The following RAB11FIP3 variants were observed in gnomAD, a reference collection of about 807,000 sequenced individuals.
The protein encoded by RAB11FIP3 is RAB11 family interacting protein 3.
Under a neutral mutation model 77.8 loss-of-function variants are expected in RAB11FIP3, and 17 were observed. That is an observed-to-expected ratio of 0.22 (90% CI 0.15 to 0.33). RAB11FIP3 has a LOEUF of 0.33. RAB11FIP3 is among the 10% of genes least tolerant of loss of function. RAB11FIP3 has a pLI of 1.00. For missense variants in RAB11FIP3, 1,005 were observed against 1,011.2 expected (o/e 0.99, Z 0.08); for synonymous variants, 437 against 448.2 (o/e 0.98, Z 0.31).
intron 2 of RAB11FIP3, among the ~76,000 whole-genome samples, chr16:462,890 C>T (rs1207432092): frequency 6.6e-6 from 1 of 151,992 alleles, no homozygotes; most frequent in East Asian, 1.9e-4. Context: ...TCTTCCCCAG[C>T]ACAATGTCTT....
At chr16:515,524 C>T (rs1349779649) in intron 9 of RAB11FIP3, among the ~76,000 whole-genome samples, 7 of 148,756 alleles carry the variant, frequency 4.7e-5, no homozygotes, top group African/African-American at 1.5e-4. Context: ...GCCACACGGG[C>T]GACACGCACC....
Position 520,558 on chromosome 16 carries a change from G to C in RAB11FIP3, c.2116G>C (p.Glu706Gln), listed in dbSNP as rs775060385. 1 of 1,613,626 alleles carries C rather than the reference G, an allele frequency of 6.2e-7. No homozygotes were observed. Among genetic ancestry groups the C allele is most frequent in the Non-Finnish European group, 8.5e-7 (1 of 1,180,024 alleles). Residue 706 changes from glutamate (E) to glutamine (Q), a missense_variant, in exon 13 of 14, where the codon GAG becomes CAG. Coordinates refer to ENST00000262305, the MANE Select transcript of RAB11FIP3 (RefSeq NM_014700.4). Reference sequence around the variant, plus strand: ...GAGCCTCTTCTCCACAGCCTTCTCTGAGTCCCTGGCTGCAGAGATCAGCTC... The same window carrying C: ...GAGCCTCTTCTCCACAGCCTTCTCTCAGTCCCTGGCTGCAGAGATCAGCTC... ...AKSLFSTAFSESLAAEISSVS... is the reference protein window; with the variant it reads ...AKSLFSTAFSQSLAAEISSVS...
At chr16:501,730 C>T (rs1343512201) in intron 6 of RAB11FIP3, among the ~76,000 whole-genome samples, 7 of 116,060 alleles carry the variant, frequency 6.0e-5, no homozygotes, top group Non-Finnish European at 6.9e-5. Flanking sequence ...CAGACAAGTT[C>T]GGAGAAGGTC....
chr16:475,040 C>T (rs1429010426), intron 3 of RAB11FIP3: 1 of 1,551,712 alleles, frequency 6.4e-7, no homozygotes, highest in Non-Finnish European at 8.7e-7. Context: ...CATGCCCTTC[C>T]TGAAGGTGTG....
intron 4 of RAB11FIP3, 51 bp from the exon 5 acceptor site, chr16:488,798 CGG>C: frequency 6.3e-7 from 1 of 1,581,928 alleles, no homozygotes; most frequent in Non-Finnish European, 8.6e-7. Context: ...ACCCTCAGCT[CGG>C]GGGTGCCCTG....
At chr16:442,529 C>T (rs12719806) in intron 1 of RAB11FIP3, among the ~76,000 whole-genome samples, 63,673 of 152,058 alleles carry the variant, frequency 0.42, 14,976 homozygotes, top group Middle Eastern at 0.54. Context: ...GCCGGGCTGC[C>T]GCTTCTGGTG....
At position 507,432 on chromosome 16, in the gene RAB11FIP3, A is replaced by G. The variant is rs1034559772; in HGVS notation, c.1499+1805A>G. Among the ~76,000 whole-genome samples the G allele has an allele frequency of 6.6e-6, 1 of 152,056 alleles. No homozygotes were observed. The highest frequency in any genetic ancestry group is 1.5e-5 in the Non-Finnish European group (1 of 68,014). ...GGCCTAGTTTTTAATTTTTTTATAGAGATGAGGTCTTGCCATGTTGCCCAT... is the reference window on the plus strand; with the variant it reads ...GGCCTAGTTTTTAATTTTTTTATAGGGATGAGGTCTTGCCATGTTGCCCAT... On this transcript the variant is annotated intron_variant, in intron 8 of 13. Coordinates refer to ENST00000262305, the MANE Select transcript of RAB11FIP3 (RefSeq NM_014700.4). This position sits in a 1 kb window ranked among gnomAD's most constrained non-coding sequence, Gnocchi z 4.6.
chr16:485,894 A>C (rs1333925400), intron 4 of RAB11FIP3, among the ~76,000 whole-genome samples: 2 of 151,822 alleles, frequency 1.3e-5, no homozygotes, highest in Admixed American at 1.3e-4. Context: ...TCGCTACATA[A>C]TTTTTTTATT....
rs1292766027 is a variant in RAB11FIP3, at chr16:472,654, C to T, written c.903+1265C>T. Among the ~76,000 whole-genome samples the T allele has an allele frequency of 6.6e-6, 1 of 152,226 alleles. No individual in the cohort carries two copies. The highest frequency in any genetic ancestry group is 2.4e-5 in the African/African-American group (1 of 41,452). ...TCCTGGGCGTTCATGTGCCTGTGCA[C>T]TCTTTCTCACGTGTATCCGTCTTTT... is the stretch of plus-strand genomic sequence containing the variant. On this transcript the variant is annotated intron_variant, in intron 3 of 13. Transcript: ENST00000262305. This position sits in a 1 kb window ranked among gnomAD's most constrained non-coding sequence, Gnocchi z 4.1.
intron 2 of RAB11FIP3, among the ~76,000 whole-genome samples, chr16:469,021 C>T (rs948191813): frequency 3.3e-5 from 5 of 152,080 alleles, no homozygotes; most frequent in African/African-American, 1.2e-4. Context: ...TAAGCGCAGG[C>T]AAGACTGTTA....
chr16:506,147 G>A lies in RAB11FIP3; in HGVS notation c.1499+520G>A, dbSNP rs2031864475. Among the ~76,000 whole-genome samples the A allele has an allele frequency of 1.3e-5, 2 of 152,214 alleles. No homozygotes were observed. The highest frequency in any genetic ancestry group is 4.1e-4 in the South Asian group (2 of 4,832). On this transcript the variant is annotated intron_variant, in intron 8 of 13. Coordinates refer to ENST00000262305, the MANE Select transcript of RAB11FIP3 (RefSeq NM_014700.4). The surrounding 1 kb of genome is among the most constrained non-coding windows in gnomAD (Gnocchi z 4.5). ...TGGGGAGGAAGCGAAGTGTGACGCCGTGTTTGCAGAGAAAGAGTGGGAGCT... is the reference window on the plus strand; with the variant it reads ...TGGGGAGGAAGCGAAGTGTGACGCCATGTTTGCAGAGAAAGAGTGGGAGCT...
intron 3 of RAB11FIP3, among the ~76,000 whole-genome samples, chr16:479,535 A>C (rs1468152963): frequency 1.3e-5 from 2 of 151,856 alleles, no homozygotes; most frequent in African/African-American, 4.8e-5. Flanking sequence ...CAAAATAAAT[A>C]AATCAACAAA....
At chr16:480,831 A>G (rs1293760549) in intron 3 of RAB11FIP3, among the ~76,000 whole-genome samples, 1 of 102,902 alleles carries the variant, frequency 9.7e-6, no homozygotes, top group South Asian at 3.1e-4. Context: ...TTTTTTTCAG[A>G]CAGAGTTTTG....
intron 1 of RAB11FIP3, among the ~76,000 whole-genome samples, chr16:435,184 G>A (rs1202785536): frequency 6.7e-6 from 1 of 148,350 alleles, no homozygotes; most frequent in African/African-American, 2.5e-5. Flanking sequence ...CAGCCTGGGC[G>A]ACAGAGCGAG....
chr16:436,914 G>A (rs1372502107), intron 1 of RAB11FIP3, among the ~76,000 whole-genome samples: 2 of 152,154 alleles, frequency 1.3e-5, no homozygotes, highest in Non-Finnish European at 2.9e-5. Flanking sequence ...AGCTAGATAG[G>A]AAGAATAAGT....
chr16:492,392 C>CCCCCCGGGAGACCCGAGGCCG (rs2030450219), intron 5 of RAB11FIP3, among the ~76,000 whole-genome samples: 2 of 131,908 alleles, frequency 1.5e-5, no homozygotes, highest in African/African-American at 6.9e-5. Context: ...GCCCAGAGCC[C>CCCCCCGGGAGACCCGAGGCCG]TCCCCGGGAG....
chr16:516,357 A>C (rs2032417153), intron 9 of RAB11FIP3, among the ~76,000 whole-genome samples: 1 of 152,200 alleles, frequency 6.6e-6, no homozygotes, highest in East Asian at 1.9e-4. Flanking sequence ...AGGCTGGGAC[A>C]GGCTAAGCCT....
intron 1 of RAB11FIP3, among the ~76,000 whole-genome samples, chr16:439,112 C>T (rs2055182205): frequency 3.3e-5 from 5 of 152,322 alleles, no homozygotes; most frequent in Admixed American, 1.3e-4. Flanking sequence ...GCCTCCTCTT[C>T]GTAGCTGGCA....
At chr16:490,527 C>G (rs1361101400) in intron 5 of RAB11FIP3, among the ~76,000 whole-genome samples, 1 of 152,050 alleles carries the variant, frequency 6.6e-6, no homozygotes, top group African/African-American at 2.4e-5. Context: ...TTTGTAGAGA[C>G]GGGTTCACCA....
Sources: allele counts gnomAD v4.1 joint callset (sites outside exome capture counted in the v4.1 genomes callset), GRCh38; gene constraint gnomAD v4.1.1; non-coding constraint Gnocchi (gnomAD v3.1); transcripts MANE v1.5; gene names NCBI Gene and HGNC (gene_info 2026-07-23, HGNC 2026-07-21).